The following PACSIN1 variants were observed in gnomAD, a reference collection of about 807,000 sequenced individuals.
PACSIN1 encodes protein kinase C and casein kinase substrate in neurons protein 1.
Under a neutral mutation model 59.5 loss-of-function variants are expected in PACSIN1, and 15 were observed. That is an observed-to-expected ratio of 0.25 (90% CI 0.17 to 0.39). PACSIN1 has a LOEUF of 0.39. Ranked by LOEUF, PACSIN1 falls within the 10% of genes least tolerant of loss-of-function variation. The probability of loss-of-function intolerance (pLI) is 1.00; values close to 1 mark genes in which losing one functional copy is unlikely to be tolerated. For synonymous variants in PACSIN1, 210 were observed against 220.6 expected (o/e 0.95, Z 0.42); for missense variants, 420 against 580.2 (o/e 0.72, Z 2.84).
intron 1 of PACSIN1, among the ~76,000 whole-genome samples, chr6:34,510,034 A>T (rs1194193395): frequency 6.6e-6 from 1 of 152,254 alleles, no homozygotes; most frequent in Non-Finnish European, 1.5e-5. Flanking sequence ...TTATACAATG[A>T]TATCCTACAC....
chr6:34,521,338 C>A lies in PACSIN1; in HGVS notation c.-63-4905C>A, dbSNP rs1281274897. On this transcript the variant is annotated intron_variant, in intron 1 of 9. Transcript: ENST00000244458. This position sits in a 1 kb window ranked among gnomAD's most constrained non-coding sequence, Gnocchi z 4.3. ...ACCACTGAGGTAGGAATCCACACGGCGCCTTGGTCCACACGAGGCCTGGCC... is the reference window on the plus strand; with the variant it reads ...ACCACTGAGGTAGGAATCCACACGGAGCCTTGGTCCACACGAGGCCTGGCC... 1.3e-5 allele frequency among the ~76,000 whole-genome samples: 2 copies of A among 152,150 alleles called. No homozygotes were observed. The highest frequency in any genetic ancestry group is 2.9e-5 in the Non-Finnish European group (2 of 68,028).
At chr6:34,522,401 T>C (rs977958709) in intron 1 of PACSIN1, among the ~76,000 whole-genome samples, 1 of 152,254 alleles carries the variant, frequency 6.6e-6, no homozygotes, top group African/African-American at 2.4e-5. Flanking sequence ...CCAATGTTAA[T>C]GTCAACACCT....
intron 1 of PACSIN1, among the ~76,000 whole-genome samples, chr6:34,512,309 C>A (rs577936602): frequency 2.0e-5 from 2 of 99,386 alleles, no homozygotes; most frequent in Non-Finnish European, 3.7e-5. Flanking sequence ...GAGGACAGGA[C>A]GTGGGGTCTG....
At position 34,526,377 on chromosome 6, in the gene PACSIN1, C is replaced by T. The variant is rs144076887; in HGVS notation, c.63+9C>T. The T allele has an allele frequency of 1.6e-4, 263 of 1,611,252 alleles. No individual in the cohort carries two copies. The African/African-American group carries it at 3.2e-3, about 20-fold the overall frequency. On this transcript the variant is annotated intron_variant, in intron 2 of 9. Coordinates refer to ENST00000244458, the MANE Select transcript of PACSIN1 (RefSeq NM_020804.5). ...CCGACAGCTTCTGGGAGGTGAGGCT[C>T]TCATGATCCCCAGGTTCGGGGACCA...
At chr6:34,526,040 G>A (rs930139559) in intron 1 of PACSIN1, among the ~76,000 whole-genome samples, 8 of 152,080 alleles carry the variant, frequency 5.3e-5, no homozygotes. Flanking sequence ...GGGGAAGGAG[G>A]AGGGATGGGG....
intron 1 of PACSIN1, among the ~76,000 whole-genome samples, chr6:34,474,461 T>C (rs1247145568): frequency 1.3e-5 from 2 of 152,100 alleles, no homozygotes; most frequent in African/African-American, 2.4e-5. Flanking sequence ...CTAAAGCTCT[T>C]CAATGACTCC....
intron 1 of PACSIN1, among the ~76,000 whole-genome samples, chr6:34,497,926 G>A (rs1766971317): frequency 6.6e-6 from 1 of 152,202 alleles, no homozygotes; most frequent in East Asian, 1.9e-4. Context: ...AGATTTCAGT[G>A]TAGTAGACAA....
intron 1 of PACSIN1, among the ~76,000 whole-genome samples, chr6:34,511,399 G>A (rs756814906): frequency 9.2e-5 from 14 of 152,198 alleles, no homozygotes; most frequent in Non-Finnish European, 1.8e-4. Context: ...CCAGGCTGCT[G>A]GGCCTTGGAT....
At chr6:34,478,759 C>T (rs948376178) in intron 1 of PACSIN1, among the ~76,000 whole-genome samples, 6 of 152,154 alleles carry the variant, frequency 3.9e-5, no homozygotes, top group African/African-American at 1.4e-4. Context: ...AAAATATAAA[C>T]ATATATAAAA....
At chr6:34,486,035 A>G (rs1766788709) in intron 1 of PACSIN1, among the ~76,000 whole-genome samples, 1 of 152,102 alleles carries the variant, frequency 6.6e-6, no homozygotes, top group Admixed American at 6.5e-5. Context: ...CTCTTAAATG[A>G]GAGAAACAAC....
chr6:34,523,899 T>A (rs971631218), intron 1 of PACSIN1, among the ~76,000 whole-genome samples: 6 of 152,052 alleles, frequency 3.9e-5, no homozygotes, highest in South Asian at 2.1e-4. Flanking sequence ...AGAACCGAGG[T>A]TGGAGTTGGG....
chr6:34,497,893 A>G (rs1766970866), intron 1 of PACSIN1, among the ~76,000 whole-genome samples: 1 of 152,180 alleles, frequency 6.6e-6, no homozygotes, highest in Non-Finnish European at 1.5e-5. Context: ...CTGAGAATAC[A>G]GAGACTAATA....
intron 1 of PACSIN1, among the ~76,000 whole-genome samples, chr6:34,468,735 C>T (rs904529937): frequency 1.5e-4 from 23 of 152,214 alleles, no homozygotes; most frequent in Non-Finnish European, 3.1e-4. Flanking sequence ...GGAACCCCAC[C>T]CATGATCCCC....
chr6:34,472,665 G>C (rs904900374), intron 1 of PACSIN1, among the ~76,000 whole-genome samples: 15 of 152,156 alleles, frequency 9.9e-5, no homozygotes, highest in African/African-American at 3.6e-4. Context: ...TCTGTGGTTG[G>C]TTCCTAACTG....
rs867465014 is a variant in PACSIN1 at position 34,514,631 on chromosome 6, G to A, written c.-63-11612G>A. Reference sequence around the variant, plus strand: ...GCAGGGCTTCCCAGTCGAGGGCGGCGGCCGAGCCTGTGTCCCCACCAGCGT... The same window carrying A: ...GCAGGGCTTCCCAGTCGAGGGCGGCAGCCGAGCCTGTGTCCCCACCAGCGT... On this transcript the variant is annotated intron_variant, in intron 1 of 9. Coordinates refer to ENST00000244458, the MANE Select transcript of PACSIN1 (RefSeq NM_020804.5). This position sits in a 1 kb window ranked among gnomAD's most constrained non-coding sequence, Gnocchi z 4.4. 6.6e-6 allele frequency among the ~76,000 whole-genome samples: 1 copy of A among 152,088 alleles called. No homozygotes were observed. Among genetic ancestry groups the A allele is most frequent in the Non-Finnish European group, 1.5e-5 (1 of 68,016 alleles).
At chr6:34,486,785 C>T (rs1351318100) in intron 1 of PACSIN1, among the ~76,000 whole-genome samples, 2 of 151,496 alleles carry the variant, frequency 1.3e-5, no homozygotes, top group Admixed American at 1.3e-4. Flanking sequence ...AGTGCCTCTT[C>T]CCCACTTCAG....
rs1046286815 is a variant in PACSIN1, at chr6:34,488,390, T to G, written c.-64+22120T>G. ...TATTCCTGCCAGGATGGTGACTCTG[T>G]GTTGTTGTTTTTTCCCTGCTGGTTT... On this transcript the variant is annotated intron_variant, in intron 1 of 9. Transcript: ENST00000244458. The surrounding 1 kb of genome is among the most constrained non-coding windows in gnomAD (Gnocchi z 4.7). Among the ~76,000 whole-genome samples, 6 of 152,086 alleles carry G rather than the reference T, an allele frequency of 3.9e-5. No homozygotes were observed. The highest frequency in any genetic ancestry group is 3.3e-4 in the Admixed American group (5 of 15,282).
chr6:34,506,378 G>A (rs2127261246), intron 1 of PACSIN1, among the ~76,000 whole-genome samples: 1 of 152,148 alleles, frequency 6.6e-6, no homozygotes, highest in South Asian at 2.1e-4. Context: ...CACCATACCA[G>A]GCTAATTTTT....
At chr6:34,510,202 C>T (rs767499616) in intron 1 of PACSIN1, among the ~76,000 whole-genome samples, 17 of 152,254 alleles carry the variant, frequency 1.1e-4, no homozygotes, top group African/African-American at 3.6e-4. Flanking sequence ...CCCTAAATAT[C>T]GCAAAAGCTT....
Sources: gnomAD v4.1 joint callset for allele counts (sites outside exome capture counted in the v4.1 genomes callset) on GRCh38, gnomAD v4.1.1 for gene constraint, Gnocchi (gnomAD v3.1) non-coding constraint, MANE v1.5 for transcripts, NCBI Gene and HGNC (gene_info 2026-07-23, HGNC 2026-07-21) for gene names.